ADCY9: variants seen among roughly 807,000 people sequenced by gnomAD.
The protein encoded by ADCY9 is adenylate cyclase 9, also known as adenylate cyclase type 9.
ADCY9 carries 50 observed loss-of-function variants against 101.5 expected under a neutral mutation model. The ratio of observed to expected loss-of-function variants is 0.49; its 90% CI spans 0.39 to 0.62. The LOEUF (loss-of-function observed/expected upper bound fraction) is 0.62, where lower values mean the gene tolerates loss of function less well. Ranked by LOEUF, ADCY9 falls within the 20% of genes least tolerant of loss-of-function variation. ADCY9 has a pLI of 0.00. For synonymous variants in ADCY9, 905 were observed against 769.3 expected, an observed-to-expected ratio of 1.18 and a Z score of -2.92; for missense variants, 1,662 against 1,800.4, an observed-to-expected ratio of 0.92 and a Z score of 1.39.
chr16:3,991,994 C>T (rs3730124), intron 5 of ADCY9, 152 bp downstream of exon 5: 85,949 of 704,982 alleles, frequency 0.12, 6,910 homozygotes, highest in South Asian at 0.31. Context: ...TCGTTTGAAC[C>T]TGGGAGATAG....
chr16:4,076,201 G>T (rs12933665), intron 2 of ADCY9, among the ~76,000 whole-genome samples: 59 of 152,150 alleles, frequency 3.9e-4, no homozygotes, highest in African/African-American at 1.3e-3. Flanking sequence ...CAAGACCCCC[G>T]TCTTACAAAA....
chr16:4,108,406 C>T (rs1345089348), intron 2 of ADCY9, among the ~76,000 whole-genome samples: 1 of 129,154 alleles, frequency 7.7e-6, no homozygotes, highest in African/African-American at 2.9e-5. Context: ...CAAAGTCTCG[C>T]CCTATCGCCC....
chr16:3,992,441 C>A lies in ADCY9; in HGVS notation c.1990-78G>T, dbSNP rs1368592792. On this transcript the variant is annotated intron_variant, in intron 4 of 10. Coordinates refer to ENST00000294016, the MANE Select transcript of ADCY9 (RefSeq NM_001116.4). The surrounding 1 kb of genome is among the most constrained non-coding windows in gnomAD (Gnocchi z 4.2). ...CTGGGCACACACGCCTGTCCCACCC[C>A]GACCTCCGCTGCGGGGCGCTGCTGC... 1 of 1,366,020 alleles carries A rather than the reference C, an allele frequency of 7.3e-7. No individual in the cohort carries two copies. The highest frequency in any genetic ancestry group is 1.4e-5 in the African/African-American group (1 of 69,566). The allele number at this position is 1,366,020 out of a possible 1,614,324, so 84.6% of individuals were successfully genotyped here.
At chr16:4,053,029 C>A (rs1239561886) in intron 2 of ADCY9, among the ~76,000 whole-genome samples, 1 of 152,166 alleles carries the variant, frequency 6.6e-6, no homozygotes, top group Non-Finnish European at 1.5e-5. Context: ...TTTTTAATCA[C>A]TGAGAGCCTA....
At chr16:4,067,545 C>T (rs1209843373) in intron 2 of ADCY9, among the ~76,000 whole-genome samples, 1 of 152,104 alleles carries the variant, frequency 6.6e-6, no homozygotes, top group Non-Finnish European at 1.5e-5. Context: ...AATTCTGCCT[C>T]AACTGAGTCA....
At chr16:4,099,632 G>A (rs1405855453) in intron 2 of ADCY9, among the ~76,000 whole-genome samples, 5 of 152,206 alleles carry the variant, frequency 3.3e-5, no homozygotes, top group African/African-American at 1.2e-4. Context: ...GGGCTCCCAT[G>A]GGCCCCAAAT....
intron 2 of ADCY9, among the ~76,000 whole-genome samples, chr16:4,081,141 G>A (rs2056899215): frequency 1.3e-5 from 2 of 152,250 alleles, no homozygotes; most frequent in East Asian, 3.9e-4. Context: ...GGGGAGGGAC[G>A]GTGGCAGGAG....
In ADCY9 at chr16:3,966,536, A is replaced by G. The variant is rs1265231936; in HGVS notation, c.3301T>C (p.Tyr1101His). 3.7e-6 allele frequency: 6 copies of G among 1,614,178 alleles called. No homozygotes were observed. Among genetic ancestry groups the G allele is most frequent in the Non-Finnish European group, 5.1e-6 (6 of 1,180,040 alleles). The change falls in exon 11 of 11, where the codon TAC becomes CAC. Residue 1101 changes from tyrosine to histidine, a missense_variant. Physicochemically the swap from Tyr to His is moderately conservative, Grantham distance 83. Around this residue, in one of 5 missense-constraint regions of ADCY9, gnomAD observed 220 missense variants for 312.9 expected, o/e 0.70. Transcript: ENST00000294016. ...GTCTTGATCTTCTCGATGCTGCTGT[A>G]GTCCGGCTTGCTTAGGAGCTCGTCA... is the stretch of plus-strand genomic sequence containing the variant. ...DFDELLSKPD[Y>H]SSIEKIKTIG...
intron 2 of ADCY9, among the ~76,000 whole-genome samples, chr16:4,011,306 G>A (rs117808654): frequency 0.013 from 1,918 of 152,258 alleles, 23 homozygotes; most frequent in Non-Finnish European, 0.019. Context: ...GGCCAGGGCT[G>A]AGCCACAGCA....
At chr16:4,096,771 G>A (rs1046537152) in intron 2 of ADCY9, among the ~76,000 whole-genome samples, 2 of 152,052 alleles carry the variant, frequency 1.3e-5, no homozygotes, top group Admixed American at 6.6e-5. Context: ...TAAATCACAC[G>A]CATGTGGGGT....
At chr16:4,097,487 T>TATATATATATGCACACACAC (rs76750792) in intron 2 of ADCY9, among the ~76,000 whole-genome samples, 2 of 72,508 alleles carry the variant, frequency 2.8e-5, no homozygotes, top group Non-Finnish European at 5.3e-5. Context: ...TATATATATA[T>TATATATATATGCACACACAC]ACACACACAC....
chr16:4,012,591 G>A (rs12595857), intron 2 of ADCY9, among the ~76,000 whole-genome samples: 72,574 of 151,922 alleles, frequency 0.48, 18,214 homozygotes, highest in Non-Finnish European at 0.56. Context: ...CAACAACAGC[G>A]ATGTCTTTTA....
chr16:3,976,224 T>A (rs539598574), intron 9 of ADCY9, among the ~76,000 whole-genome samples: 5 of 152,256 alleles, frequency 3.3e-5, no homozygotes, highest in African/African-American at 1.2e-4. Flanking sequence ...ACTCCTGAGC[T>A]CAGACAATCC....
chr16:3,954,214 C>T (rs545923758), intron 5 of ADCY9, among the ~76,000 whole-genome samples: 349 of 152,272 alleles, frequency 2.3e-3, no homozygotes, highest in Middle Eastern at 0.01. Flanking sequence ...CTGAGCTGGC[C>T]GGGGCAGGCT....
At chr16:4,002,835 C>T (rs947847550) in intron 3 of ADCY9, among the ~76,000 whole-genome samples, 2 of 152,212 alleles carry the variant, frequency 1.3e-5, no homozygotes, top group Non-Finnish European at 1.5e-5. Flanking sequence ...CTGCCTCAGC[C>T]TCCTGAGTGG....
rs2057135462 is a variant in ADCY9, at chr16:4,114,594, G to A, written c.849C>T (p.Ser283=). Residue 283 remains serine, a synonymous_variant, in exon 2 of 11, where the codon AGC becomes AGT. Coordinates refer to ENST00000294016, the MANE Select transcript of ADCY9 (RefSeq NM_001116.4). This position sits in a 1 kb window ranked among gnomAD's most constrained non-coding sequence, Gnocchi z 4.3. ...GAGALHWELL[S]RGLLHGCIHA... ...GGATGCAGCCGTGGAGCAGCCCCCT[G>A]CTCAGCAGCTCCCAGTGCAGGGCCC... 6.2e-7 allele frequency: 1 copy of A among 1,613,866 alleles called. No individual in the cohort carries two copies. Among genetic ancestry groups the A allele is most frequent in the African/African-American group, 1.3e-5 (1 of 75,054 alleles).
In ADCY9 at chr16:3,979,174, G is replaced by A. The variant is rs755239155; in HGVS notation, c.2621C>T (p.Ser874Leu). Residue 874 changes from serine to leucine, a missense_variant, in exon 8 of 11, where the codon TCG becomes TTG. Around this residue, in one of 5 missense-constraint regions of ADCY9, gnomAD observed 624 missense variants for 639.1 expected, o/e 0.98. Transcript: ENST00000294016. ...PRHCIGAILV[S>L]LPALAVYSHV... is the part of the protein sequence containing the mutation. ...GGAGTAGACGGCCAGTGCGGGAAGCGACACCAGGATGGCCCCGATGCAGTG... is the reference window on the plus strand; with the variant it reads ...GGAGTAGACGGCCAGTGCGGGAAGCAACACCAGGATGGCCCCGATGCAGTG... 11 of 1,614,166 alleles carry A rather than the reference G, an allele frequency of 6.8e-6. No homozygotes were observed. The highest frequency in any genetic ancestry group is 2.7e-5 in the African/African-American group (2 of 75,040).
At chr16:3,997,363 C>G (rs867710712) in intron 3 of ADCY9, among the ~76,000 whole-genome samples, 7 of 152,234 alleles carry the variant, frequency 4.6e-5, no homozygotes, top group Non-Finnish European at 1.0e-4. Context: ...GCTGGAAGGC[C>G]GGTGCAGCCC....
chr16:4,049,052 C>A (rs2056684037), intron 2 of ADCY9, among the ~76,000 whole-genome samples: 2 of 151,410 alleles, frequency 1.3e-5, no homozygotes, highest in African/African-American at 4.9e-5. Flanking sequence ...TACAGGGAAG[C>A]AGAAGGCTGG....
Sources: gnomAD v4.1 joint callset for allele counts (sites outside exome capture counted in the v4.1 genomes callset) on GRCh38, gnomAD v4.1.1 for gene constraint, gnomAD v4.1.1 regional missense constraint, Gnocchi (gnomAD v3.1) non-coding constraint, MANE v1.5 for transcripts, NCBI Gene and HGNC (gene_info 2026-07-23, HGNC 2026-07-21) for gene names.